The following OTUD7A variants were observed in gnomAD, a reference collection of about 807,000 sequenced individuals.
The protein encoded by OTUD7A is OTU deubiquitinase 7A, also known as OTU domain-containing protein 7A.
In OTUD7A, 12 loss-of-function variants were observed where a neutral mutation model predicts 65.7. That is an observed-to-expected ratio of 0.18 (90% confidence interval 0.12 to 0.30). OTUD7A has a LOEUF of 0.30. Among genes scored for constraint, OTUD7A ranks in the 10% least tolerant of loss-of-function variants. OTUD7A has a pLI of 1.00. For missense variants in OTUD7A, 1,148 were observed against 1,304.8 expected (o/e 0.88, Z 1.85); for synonymous variants, 641 against 586.3 (o/e 1.09, Z -1.35).
intron 5 of OTUD7A, among the ~76,000 whole-genome samples, chr15:31,555,330 T>G (rs927149587): frequency 2.0e-5 from 3 of 152,238 alleles, no homozygotes; most frequent in Admixed American, 1.3e-4. Flanking sequence ...ATGGATTTTT[T>G]TTTTACTAAA....
At chr15:31,797,097 A>G (rs1895983282) in intron 1 of OTUD7A, among the ~76,000 whole-genome samples, 1 of 152,132 alleles carries the variant, frequency 6.6e-6, no homozygotes, top group African/African-American at 2.4e-5. Flanking sequence ...TAAATCAGTT[A>G]AGATGTTCCA....
chr15:31,692,668 G>T (rs1165095046), intron 1 of OTUD7A, among the ~76,000 whole-genome samples: 1 of 141,054 alleles, frequency 7.1e-6, no homozygotes, highest in African/African-American at 2.7e-5. Flanking sequence ...TACTTCCTGG[G>T]TCCCTTTCTT....
Position 31,550,490 on chromosome 15 carries a change from G to A in OTUD7A, c.550+8479C>T, listed in dbSNP as rs80239099. ...TCCTGAGTCTCTTGGGTACTCTCTA[G>A]GCACCAACAGTTAGCAAGAAAATGG... On this transcript the variant is annotated intron_variant, in intron 5 of 12. Coordinates refer to ENST00000307050, the MANE Select transcript of OTUD7A (RefSeq NM_001382637.1). Among the ~76,000 whole-genome samples, 661 of 152,272 alleles carry A rather than the reference G, an allele frequency of 4.3e-3. 23 individuals carry two copies. Among genetic ancestry groups the A allele is most frequent in the Admixed American group, 0.027 (417 of 15,298 alleles).
intron 1 of OTUD7A, among the ~76,000 whole-genome samples, chr15:31,776,584 T>A (rs922735726): frequency 6.6e-6 from 1 of 152,188 alleles, no homozygotes; most frequent in Non-Finnish European, 1.5e-5. Context: ...GGCATCCCAA[T>A]TCAGTGGAGA....
intron 1 of OTUD7A, among the ~76,000 whole-genome samples, chr15:31,842,046 T>G (rs1360085216): frequency 6.6e-6 from 1 of 152,224 alleles, no homozygotes; most frequent in East Asian, 1.9e-4. Flanking sequence ...TGCTGTATAT[T>G]TGCACTGCAC....
At position 31,856,453 on chromosome 15, in the gene OTUD7A, G is replaced by A. The variant is rs183591082; in HGVS notation, c.-100+14054C>T. Among the ~76,000 whole-genome samples, 145 of 152,224 alleles carry A rather than the reference G, an allele frequency of 9.5e-4. 1 individual carries two copies. The highest frequency in any genetic ancestry group is 3.4e-3 in the African/African-American group (140 of 41,522). On this transcript the variant is annotated intron_variant, in intron 1 of 12. Transcript: ENST00000307050. ...GAAAGAGTAAAAACTAGTATGACTC[G>A]ATTTTTACAGAACAATGTACTCCCA...
In OTUD7A at chr15:31,654,274, AT is replaced by A. The variant is rs1373402092; in HGVS notation, c.151+821del. Among the ~76,000 whole-genome samples the A allele has an allele frequency of 3.9e-5, 5 of 129,208 alleles. No homozygotes were observed. In the East Asian group the frequency reaches 1.1e-3, roughly 28 times the overall value. The allele number at this position is 129,208 out of a possible 152,430, so 84.8% of individuals were successfully genotyped here. A position where few individuals can be genotyped will look rare whatever the true frequency, so the allele number is the denominator to read the frequency against. Reference sequence around the variant, plus strand: ...TTGAAATTCTAATAGGTTGGGGAAAATTTAAAAACTATGCTTTTGCCATTGC... The same window carrying A: ...TTGAAATTCTAATAGGTTGGGGAAAATTAAAAACTATGCTTTTGCCATTGC... On this transcript the variant is annotated intron_variant, in intron 3 of 12. Transcript: ENST00000307050.
intron 1 of OTUD7A, among the ~76,000 whole-genome samples, chr15:31,700,542 T>C (rs1893190407): frequency 6.6e-6 from 1 of 152,226 alleles, no homozygotes; most frequent in South Asian, 2.1e-4. Flanking sequence ...TGTGAATCAG[T>C]CTTTCTCTTT....
chr15:31,590,857 G>A lies in OTUD7A; in HGVS notation c.152-20660C>T, dbSNP rs143187703. Among the ~76,000 whole-genome samples the A allele has an allele frequency of 6.1e-4, 93 of 152,318 alleles. 2 individuals are homozygous for A. The highest frequency in any genetic ancestry group is 3.4e-3 in the Middle Eastern group (1 of 294). On this transcript the variant is annotated intron_variant, in intron 3 of 12. Coordinates refer to ENST00000307050, the MANE Select transcript of OTUD7A (RefSeq NM_001382637.1). ...GCTGTGCCTTAGGGAAGGCTGGCTG[G>A]CTTGTGGCCATGGATTCACTGAGCA...
rs1202702330 is a variant in OTUD7A at position 31,484,603 on chromosome 15, T to C, written c.1493A>G (p.Lys498Arg). The C allele has an allele frequency of 3.7e-6, 6 of 1,605,624 alleles. No homozygotes were observed. The highest frequency in any genetic ancestry group is 5.1e-6 in the Non-Finnish European group (6 of 1,177,026). The change falls in exon 13 of 13, where the codon AAG (lysine) becomes AGG (arginine). Residue 498 changes from lysine (K) to arginine (R), a missense_variant. By Grantham distance (26) the Lys-to-Arg change is conservative. Coordinates refer to ENST00000307050, the MANE Select transcript of OTUD7A (RefSeq NM_001382637.1). The surrounding 1 kb of genome is among the most constrained non-coding windows in gnomAD (Gnocchi z 4.5). ...VCSNSNSNNG[K>R]NGKDKEKEKQ... The stretch of plus-strand genomic sequence containing the variant: ...CTCCTTCTCCTTGTCCTTGCCGTTC[T>C]TGCCGTTATTGCTGTTAGAATTGCT...
intron 6 of OTUD7A, among the ~76,000 whole-genome samples, 191 bp from the exon 7 acceptor site, chr15:31,527,499 A>G (rs962745563): frequency 6.6e-6 from 1 of 152,230 alleles, no homozygotes; most frequent in East Asian, 1.9e-4. Context: ...CAACTAGGTG[A>G]ATGAAGCAGC....
At chr15:31,529,593 G>T (rs766477388) in intron 6 of OTUD7A, among the ~76,000 whole-genome samples, 4 of 152,204 alleles carry the variant, frequency 2.6e-5, no homozygotes, top group Non-Finnish European at 4.4e-5. Context: ...GTAAGTGGCT[G>T]CCTTGCCTTT....
Position 31,853,906 on chromosome 15 carries a change from G to C in OTUD7A, c.-100+16601C>G, listed in dbSNP as rs1436972534. Among the ~76,000 whole-genome samples, 4 of 152,326 alleles carry C rather than the reference G, an allele frequency of 2.6e-5. No individual in the cohort carries two copies. The South Asian group carries it at 8.3e-4, about 32-fold the overall frequency. On this transcript the variant is annotated intron_variant, in intron 1 of 12. Transcript: ENST00000307050. ...GCATGGGAATCAGGCACAGAAGAGAGGGTAGGGAAGGAGAAGAGCAAATGC... is the reference window on the plus strand; with the variant it reads ...GCATGGGAATCAGGCACAGAAGAGACGGTAGGGAAGGAGAAGAGCAAATGC...
At chr15:31,610,144 G>C (rs927210799) in intron 3 of OTUD7A, among the ~76,000 whole-genome samples, 3 of 152,176 alleles carry the variant, frequency 2.0e-5, no homozygotes, top group African/African-American at 7.2e-5. Context: ...AACAAAAGCA[G>C]AAGTAGCTGT....
intron 1 of OTUD7A, among the ~76,000 whole-genome samples, chr15:31,831,292 T>C (rs1896924312): frequency 6.6e-6 from 1 of 152,050 alleles, no homozygotes; most frequent in South Asian, 2.1e-4. Context: ...AAATAATAAA[T>C]CAGACTTCGT....
intron 1 of OTUD7A, among the ~76,000 whole-genome samples, chr15:31,658,815 G>A (rs1193068839): frequency 6.6e-6 from 1 of 151,208 alleles, no homozygotes; most frequent in Non-Finnish European, 1.5e-5. Context: ...ATCACCTGAG[G>A]TCTGGAGTTC....
chr15:31,481,252 T>G lies in OTUD7A; in HGVS notation c.*2042A>C, dbSNP rs192825446. The G allele has an allele frequency of 1.3e-4, 20 of 152,318 alleles. No homozygotes were observed. The highest frequency in any genetic ancestry group is 2.8e-4 in the Non-Finnish European group (19 of 68,032). 9.4% of individuals were successfully genotyped at this position (152,318 alleles called of 1,614,324 possible). On this transcript the variant is annotated 3_prime_UTR_variant, in exon 13 of 13. Coordinates refer to ENST00000307050, the MANE Select transcript of OTUD7A (RefSeq NM_001382637.1). The stretch of plus-strand genomic sequence containing the variant: ...ATGAGTTTGGTTTCTGAATGGATTA[T>G]TGGAGCATTTTTAAGGTTGGGTGTC...
Position 31,789,677 on chromosome 15 carries a change from A to G in OTUD7A, c.-100+80830T>C, listed in dbSNP as rs376883770. On this transcript the variant is annotated intron_variant, in intron 1 of 12. Coordinates refer to ENST00000307050, the MANE Select transcript of OTUD7A (RefSeq NM_001382637.1). Reference sequence around the variant, plus strand: ...AAATTGCAGTTACTGGGAGGGGCAGAGGTAGAACTGTGGAAATCCAATGCT... The same window carrying G: ...AAATTGCAGTTACTGGGAGGGGCAGGGGTAGAACTGTGGAAATCCAATGCT... 3.3e-4 allele frequency among the ~76,000 whole-genome samples: 49 copies of G among 149,650 alleles called. No individual in the cohort carries two copies. In the South Asian group the frequency reaches 9.6e-3, roughly 29 times the overall value.
chr15:31,515,555 T>C (rs901753391), intron 8 of OTUD7A, among the ~76,000 whole-genome samples: 1 of 152,140 alleles, frequency 6.6e-6, no homozygotes, highest in African/African-American at 2.4e-5. Context: ...TCTACCAACC[T>C]ATCCATCCTT....
Sources: gnomAD v4.1 joint callset for allele counts (sites outside exome capture counted in the v4.1 genomes callset) on GRCh38, gnomAD v4.1.1 for gene constraint, Gnocchi (gnomAD v3.1) non-coding constraint, MANE v1.5 for transcripts, NCBI Gene and HGNC (gene_info 2026-07-23, HGNC 2026-07-21) for gene names.